Variants in DNAH10 observed in about 807,000 individuals in gnomAD.
DNAH10 encodes dynein axonemal heavy chain 10.
In DNAH10, 348 loss-of-function variants were observed where a neutral mutation model predicts 506.6. That is an observed-to-expected ratio of 0.69 (90% CI 0.63 to 0.75). The LOEUF (loss-of-function observed/expected upper bound fraction) is 0.75. Among genes scored for constraint, DNAH10 ranks in the 30% least tolerant of loss-of-function variants. The pLI is 0.00. For synonymous variants in DNAH10, 2,059 were observed against 2,198.6 expected, an observed-to-expected ratio of 0.94 and a Z score of 1.78; for missense variants, 5,179 against 5,787.1, an observed-to-expected ratio of 0.89 and a Z score of 3.41.
rs918474742 is a variant in DNAH10, at chr12:123,846,849, A to G, written c.5814+695A>G. ...CAGCTGTGACTCATACCCACTGTGG[A>G]TGTGGCATGCACCTGGGCCCGTCTC... On this transcript the variant is annotated intron_variant, in intron 32 of 78. Transcript: ENST00000673944. This position sits in a 1 kb window ranked among gnomAD's most constrained non-coding sequence, Gnocchi z 4.5. Among the ~76,000 whole-genome samples the G allele has an allele frequency of 6.6e-6, 1 of 152,062 alleles. No homozygotes were observed. Among genetic ancestry groups the G allele is most frequent in the African/African-American group, 2.4e-5 (1 of 41,400 alleles).
chr12:123,821,764 C>T (rs990117218), intron 24 of DNAH10, among the ~76,000 whole-genome samples: 2 of 151,966 alleles, frequency 1.3e-5, no homozygotes, highest in African/African-American at 4.8e-5. Flanking sequence ...TAGTTGCAAG[C>T]GGAGATTAAA....
chr12:123,850,858 CTTCT>C lies in DNAH10; in HGVS notation c.6103-20_6103-17del, dbSNP rs746980712. The C allele has an allele frequency of 2.5e-6, 4 of 1,589,316 alleles. No homozygotes were observed. The highest frequency in any genetic ancestry group is 1.7e-6 in the Non-Finnish European group (2 of 1,165,510). On this transcript the variant is annotated intron_variant, in intron 34 of 78. Transcript: ENST00000673944. This position sits in a 1 kb window ranked among gnomAD's most constrained non-coding sequence, Gnocchi z 5.5. ...GCTGGCCGGCCGGGCCACCTAACTG[CTTCT>C]TTCTTTCTTCCTTCTTGCCCTCCAG...
intron 65 of DNAH10, 196 bp from the exon 66 acceptor site, chr12:123,923,567 T>C: frequency 2.1e-6 from 1 of 487,238 alleles, no homozygotes; most frequent in East Asian, 3.6e-5. Flanking sequence ...CACTACAGAC[T>C]GGGGCATGAC....
chr12:123,775,084 C>T (rs923938973), intron 5 of DNAH10, among the ~76,000 whole-genome samples: 6 of 152,170 alleles, frequency 3.9e-5, no homozygotes, highest in African/African-American at 1.4e-4. Flanking sequence ...TGAGGAATGG[C>T]CTTGCTGAGG....
rs763825777 is a variant in DNAH10 at position 123,914,942 on chromosome 12, C to T, written c.10665C>T (p.Asp3555=). ...CCAGCCGCTTCCCTCTGTGTATCGA[C>T]CCCCAGCAGCAGGCCCTCAACTGGA... ...TRASRFPLCI[D]PQQQALNWIK... Residue 3555 remains aspartate, a synonymous_variant, in exon 62 of 79, where the codon GAC becomes GAT. Transcript: ENST00000673944. The T allele has an allele frequency of 1.2e-5, 20 of 1,612,314 alleles. No homozygotes were observed. Among genetic ancestry groups the T allele is most frequent in the Middle Eastern group, 1.6e-4 (1 of 6,080 alleles).
At chr12:123,781,407 GT>G in intron 6 of DNAH10, 108 bp downstream of exon 6, 4 of 1,116,432 alleles carry the variant, frequency 3.6e-6, no homozygotes, top group Non-Finnish European at 5.1e-6. Flanking sequence ...ATTTTTGTTT[GT>G]TTGTTTTGTG....
At position 123,931,408 on chromosome 12, in the gene DNAH10, T is replaced by C. The variant is rs1223160267; in HGVS notation, c.12852T>C (p.Ile4284=). The C allele has an allele frequency of 1.2e-5, 19 of 1,613,856 alleles. No individual in the cohort carries two copies. The Admixed American group carries it at 3.2e-4, about 27-fold the overall frequency. Residue 4284 remains isoleucine, a synonymous_variant, in exon 74 of 79, where the codon ATT becomes ATC. Coordinates refer to ENST00000673944, the MANE Select transcript of DNAH10 (RefSeq NM_001372106.1). Reference sequence around the variant, plus strand: ...TTGGTCTCCACCCCAACGCTGAGATTGGCTATTACACGCAGGCGGCTCGAG... The same window carrying C: ...TTGGTCTCCACCCCAACGCTGAGATCGGCTATTACACGCAGGCGGCTCGAG... ...EVFGLHPNAE[I]GYYTQAARDM...
Position 123,917,669 on chromosome 12 carries a change from C to G in DNAH10, c.11088C>G (p.Leu3696=), listed in dbSNP as rs1199661841. The G allele has an allele frequency of 4.5e-6, 7 of 1,552,196 alleles. No homozygotes were observed. The highest frequency in any genetic ancestry group is 6.1e-6 in the Non-Finnish European group (7 of 1,147,346). Residue 3696 remains leucine, a synonymous_variant, in exon 64 of 79, where the codon CTC becomes CTG. Coordinates refer to ENST00000673944, the MANE Select transcript of DNAH10 (RefSeq NM_001372106.1). The surrounding 1 kb of genome is among the most constrained non-coding windows in gnomAD (Gnocchi z 5.6). ...RRELEEQREH[L]IQETSENKNL... is the part of the protein sequence containing the mutation. Reference sequence around the variant, plus strand: ...AGCTGGAGGAGCAGCGGGAGCACCTCATCCAGGAGACCAGCGAGAACAAGA... The same window carrying G: ...AGCTGGAGGAGCAGCGGGAGCACCTGATCCAGGAGACCAGCGAGAACAAGA...
chr12:123,907,825 C>T lies in DNAH10; in HGVS notation c.9816-1436C>T, dbSNP rs1197120895. Among the ~76,000 whole-genome samples, 1 of 152,234 alleles carries T rather than the reference C, an allele frequency of 6.6e-6. No individual in the cohort carries two copies. The highest frequency in any genetic ancestry group is 1.5e-5 in the Non-Finnish European group (1 of 68,042). The stretch of plus-strand genomic sequence containing the variant: ...GACACTTGACAGCCCCGCCGCTTTC[C>T]TAAGCAGCCAACACCAGCGTGATCG... On this transcript the variant is annotated intron_variant, in intron 57 of 78. Coordinates refer to ENST00000673944, the MANE Select transcript of DNAH10 (RefSeq NM_001372106.1). The surrounding 1 kb of genome is among the most constrained non-coding windows in gnomAD (Gnocchi z 4.4).
chr12:123,912,389 G>A (rs113716535), intron 59 of DNAH10, among the ~76,000 whole-genome samples: 1 of 46,060 alleles, frequency 2.2e-5, no homozygotes, highest in East Asian at 6.5e-4. Flanking sequence ...GTCCCGGGGG[G>A]GTCTGTCCTG....
At chr12:123,918,445 G>A (rs1313917567) in intron 64 of DNAH10, among the ~76,000 whole-genome samples, 3 of 152,246 alleles carry the variant, frequency 2.0e-5, no homozygotes, top group African/African-American at 7.2e-5. Context: ...GGGCAGTACC[G>A]GAGACTTACA....
At position 123,810,568 on chromosome 12, in the gene DNAH10, C is replaced by G. The variant is rs542710227; in HGVS notation, c.3144+1615C>G. On this transcript the variant is annotated intron_variant, in intron 19 of 78. Coordinates refer to ENST00000673944, the MANE Select transcript of DNAH10 (RefSeq NM_001372106.1). Reference sequence around the variant, plus strand: ...ATTAGCTGGGCGTGGTGGCGGGCGCCTGTGGTCCCAGCTGCTTGGGAGGCT... The same window carrying G: ...ATTAGCTGGGCGTGGTGGCGGGCGCGTGTGGTCCCAGCTGCTTGGGAGGCT... Among the ~76,000 whole-genome samples, 13 of 152,218 alleles carry G rather than the reference C, an allele frequency of 8.5e-5. No individual in the cohort carries two copies. The East Asian group carries it at 2.5e-3, about 29-fold the overall frequency.
At position 123,935,449 on chromosome 12, in the gene DNAH10, C is replaced by A. The variant is rs865972139; in HGVS notation, c.13738C>A (p.Gln4580Lys). 1.2e-5 allele frequency: 20 copies of A among 1,606,160 alleles called. No homozygotes were observed. In the African/African-American group the frequency reaches 2.4e-4, roughly 19 times the overall value. Reference sequence around the variant, plus strand: ...GAGGCACATTTCTCACTGGGTGCTGCAAGGAGTATGCCTCACCCTGAATTC... The same window carrying A: ...GAGGCACATTTCTCACTGGGTGCTGAAAGGAGTATGCCTCACCCTGAATTC... Reference protein sequence around the residue: ...TTRHISHWVLQGVCLTLNSD With the variant: ...TTRHISHWVLKGVCLTLNSD Residue 4580 changes from glutamine (Q) to lysine (K), a missense_variant, in exon 79 of 79, where the codon CAA becomes AAA. Gln to Lys is a moderately conservative substitution (Grantham distance 53). Coordinates refer to ENST00000673944, the MANE Select transcript of DNAH10 (RefSeq NM_001372106.1).
rs749472538 is a variant in DNAH10 at position 123,914,365 on chromosome 12, C to T, written c.10389C>T (p.Arg3463=). Residue 3463 remains arginine, a synonymous_variant, in exon 61 of 79, where the codon CGC becomes CGT. Transcript: ENST00000673944. ...ACCTGGATGAGCTGATGCACCGGCG[C>T]GTGAAGCTGCTGGGGGACTGCCTGC... The part of the protein sequence containing the change: ...LNDLDELMHR[R]VKLLGDCLLC... 39 of 1,613,178 alleles carry T rather than the reference C, an allele frequency of 2.4e-5. No homozygotes were observed. The highest frequency in any genetic ancestry group is 6.7e-5 in the Admixed American group (4 of 60,008).
chr12:123,916,362 C>T lies in DNAH10; in HGVS notation c.10723-95C>T. On this transcript the variant is annotated intron_variant, in intron 62 of 78. Coordinates refer to ENST00000673944, the MANE Select transcript of DNAH10 (RefSeq NM_001372106.1). The surrounding 1 kb of genome is among the most constrained non-coding windows in gnomAD (Gnocchi z 4.6). ...CTCTGGCCCCCTCCAAGTTCCTGGCCCATCCACTTCCCACTTCCAAGCCAT... is the reference window on the plus strand; with the variant it reads ...CTCTGGCCCCCTCCAAGTTCCTGGCTCATCCACTTCCCACTTCCAAGCCAT... The T allele has an allele frequency of 1.3e-6, 2 of 1,494,984 alleles. No individual in the cohort carries two copies. The highest frequency in any genetic ancestry group is 2.3e-5 in the East Asian group (1 of 44,210). The allele number at this position is 1,494,984 out of a possible 1,614,324, so 92.6% of individuals were successfully genotyped here. A position where few individuals can be genotyped will look rare whatever the true frequency, so the allele number is the denominator to read the frequency against.
chr12:123,811,119 A>G (rs1958914973), intron 19 of DNAH10, among the ~76,000 whole-genome samples: 1 of 152,162 alleles, frequency 6.6e-6, no homozygotes, highest in African/African-American at 2.4e-5. Flanking sequence ...GATCTTCAGG[A>G]TTCCTATTTC....
At chr12:123,799,194 G>GTATCATT in intron 13 of DNAH10, 52 bp from the exon 14 acceptor site, 2 of 1,537,854 alleles carry the variant, frequency 1.3e-6, no homozygotes, top group South Asian at 1.2e-5. Context: ...AGAGCGAGAT[G>GTATCATT]AAAAATGTTA....
At chr12:123,934,532 G>C (rs747552530) in intron 77 of DNAH10, 89 bp from the exon 78 acceptor site, 3 of 1,525,312 alleles carry the variant, frequency 2.0e-6, no homozygotes, top group Non-Finnish European at 2.7e-6. Flanking sequence ...CCAGTGGCCT[G>C]TGTGTCGCTG....
At chr12:123,893,931 G>C (rs530966552) in intron 53 of DNAH10, among the ~76,000 whole-genome samples, 1 of 152,242 alleles carries the variant, frequency 6.6e-6, no homozygotes, top group South Asian at 2.1e-4. Flanking sequence ...CTGCCACAAA[G>C]GATTAGAGCC....
Sources: gnomAD v4.1 joint callset for allele counts (sites outside exome capture counted in the v4.1 genomes callset) on GRCh38, gnomAD v4.1.1 for gene constraint, Gnocchi (gnomAD v3.1) non-coding constraint, MANE v1.5 for transcripts, NCBI Gene and HGNC (gene_info 2026-07-23, HGNC 2026-07-21) for gene names.